CNMD: variants seen among roughly 807,000 people sequenced by gnomAD.
CNMD encodes leukocyte cell-derived chemotaxin 1.
CNMD carries 30 observed loss-of-function variants against 37.5 expected under a neutral mutation model. The observed-to-expected ratio is 0.80, with a 90% confidence interval of 0.60 to 1.09. The LOEUF (loss-of-function observed/expected upper bound fraction) is 1.09, where lower values mean the gene tolerates loss of function less well. Ranked by LOEUF, CNMD falls within the 50% of genes least tolerant of loss-of-function variation. The pLI is 0.00. For missense variants in CNMD, 398 were observed against 423.9 expected (o/e 0.94, Z 0.54); for synonymous variants, 167 against 148.2 (o/e 1.13, Z -0.92).
chr13:52,724,010 A>T lies in CNMD; in HGVS notation c.455T>A (p.Ile152Asn), dbSNP rs1964525949. Residue 152 changes from isoleucine (I) to asparagine (N), a missense_variant, in exon 4 of 7, where the codon ATC (isoleucine) becomes AAC (asparagine). Transcript: ENST00000377962. The part of the protein sequence containing the change: ...PEVGAVTKQS[I>N]SSKLEGKIMP... ...GTTGGTACCCACCAGTTTGGAGGAG[A>T]TGCTCTGTTTGGTCACGGCGCCCAC... The T allele has an allele frequency of 1.2e-6, 2 of 1,610,900 alleles. No homozygotes were observed. The highest frequency in any genetic ancestry group is 4.5e-5 in the East Asian group (2 of 44,860).
At chr13:52,736,461 T>C (rs990543188) in intron 2 of CNMD, among the ~76,000 whole-genome samples, 1 of 152,180 alleles carries the variant, frequency 6.6e-6, no homozygotes, top group Non-Finnish European at 1.5e-5. Flanking sequence ...CTGCACCATC[T>C]GCATGGGGAC....
Position 52,739,519 on chromosome 13 carries a change from T to C in CNMD, c.72+111A>G. The C allele has an allele frequency of 1.0e-6, 1 of 1,004,488 alleles. No homozygotes were observed. The highest frequency in any genetic ancestry group is 2.4e-5 in the East Asian group (1 of 41,032). The allele number at this position is 1,004,488 out of a possible 1,614,324, so 62.2% of individuals were successfully genotyped here. On this transcript the variant is annotated intron_variant, in intron 1 of 6. Transcript: ENST00000377962. This position sits in a 1 kb window ranked among gnomAD's most constrained non-coding sequence, Gnocchi z 5.4. ...CACCCACACATTTGGGACCCAAATTTATCCCCCCGCCAACACACCCATTCG... is the reference window on the plus strand; with the variant it reads ...CACCCACACATTTGGGACCCAAATTCATCCCCCCGCCAACACACCCATTCG...
intron 4 of CNMD, among the ~76,000 whole-genome samples, chr13:52,718,176 A>T (rs2138241011): frequency 6.6e-6 from 1 of 152,208 alleles, no homozygotes; most frequent in Non-Finnish European, 1.5e-5. Flanking sequence ...TTTCTGTGGG[A>T]TCAGTGGTGA....
Position 52,736,254 on chromosome 13 carries a change from G to A in CNMD, c.213+2777C>T, listed in dbSNP as rs113819253. Among the ~76,000 whole-genome samples the A allele has an allele frequency of 3.3e-3, 495 of 152,202 alleles. 3 individuals carry two copies. Among genetic ancestry groups the A allele is most frequent in the Middle Eastern group, 6.8e-3 (2 of 294 alleles). On this transcript the variant is annotated intron_variant, in intron 2 of 6. Transcript: ENST00000377962. The stretch of plus-strand genomic sequence containing the variant: ...CGTGAGCCGCCCGCCTCGGCCTCCC[G>A]AAGTGCTGGGATTACAGGCGTGAGC...
intron 3 of CNMD, among the ~76,000 whole-genome samples, chr13:52,725,616 C>A (rs562275145): frequency 6.6e-6 from 1 of 152,310 alleles, no homozygotes; most frequent in African/African-American, 2.4e-5. Context: ...CCTCCTGCTG[C>A]TGTTAGTTTC....
chr13:52,733,046 G>A (rs1964699164), intron 3 of CNMD, 173 bp downstream of exon 3: 6 of 658,518 alleles, frequency 9.1e-6, no homozygotes, highest in Non-Finnish European at 1.6e-5. Context: ...GAAGGACAAA[G>A]TCTGGTCCTT....
At chr13:52,712,005 G>C (rs1008237661) in intron 5 of CNMD, among the ~76,000 whole-genome samples, 3 of 152,146 alleles carry the variant, frequency 2.0e-5, no homozygotes, top group Admixed American at 6.6e-5. Flanking sequence ...TAGGAGAAAG[G>C]CCTTTTTTTT....
chr13:52,708,684 C>T lies in CNMD; in HGVS notation c.641G>A (p.Arg214Lys), dbSNP rs1472721477. Reference protein sequence around the residue: ...TYPKEIQRERREVVRKIVPTT... With the variant: ...TYPKEIQRERKEVVRKIVPTT... ...TGGAACAATTTTTCTTACCACTTCTCTTCTTTCCCTCTGGATTTCTGCAAA... is the reference window on the plus strand; with the variant it reads ...TGGAACAATTTTTCTTACCACTTCTTTTCTTTCCCTCTGGATTTCTGCAAA... Residue 214 changes from arginine to lysine, a missense_variant, in exon 6 of 7, where the codon AGA becomes AAA. Arg to Lys is a conservative substitution (Grantham distance 26). Coordinates refer to ENST00000377962, the MANE Select transcript of CNMD (RefSeq NM_007015.3). 5 of 1,601,664 alleles carry T rather than the reference C, an allele frequency of 3.1e-6. No individual in the cohort carries two copies. The highest frequency in any genetic ancestry group is 4.2e-6 in the Non-Finnish European group (5 of 1,176,880).
intron 3 of CNMD, among the ~76,000 whole-genome samples, chr13:52,724,312 G>T (rs1182211077): frequency 6.7e-6 from 1 of 148,728 alleles, no homozygotes; most frequent in South Asian, 2.1e-4. Context: ...GGTGGCTCAC[G>T]CCTGTAATCC....
intron 2 of CNMD, among the ~76,000 whole-genome samples, chr13:52,737,913 T>A (rs969168511): frequency 6.6e-6 from 1 of 152,226 alleles, no homozygotes; most frequent in African/African-American, 2.4e-5. Context: ...GCTTGTAAAT[T>A]TGATATAGTC....
At chr13:52,707,535 A>G (rs1319723824) in intron 6 of CNMD, among the ~76,000 whole-genome samples, 1 of 152,198 alleles carries the variant, frequency 6.6e-6, no homozygotes, top group Non-Finnish European at 1.5e-5. Context: ...GCCTGTGCAC[A>G]GAGCCTGGGA....
chr13:52,739,817 G>C lies in CNMD; in HGVS notation c.-116C>G. ...GCGCGCACACACGGTGCACGGTCCC[G>C]CCTGGGCCAGCCCAGCGGTCCCCAC... On this transcript the variant is annotated 5_prime_UTR_variant, in exon 1 of 7. Transcript: ENST00000377962. This position sits in a 1 kb window ranked among gnomAD's most constrained non-coding sequence, Gnocchi z 5.4. 1 of 815,008 alleles carries C rather than the reference G, an allele frequency of 1.2e-6. No homozygotes were observed. 50.5% of individuals were successfully genotyped at this position (815,008 alleles called of 1,614,324 possible). A position where few individuals can be genotyped will look rare whatever the true frequency, so the allele number is the denominator to read the frequency against.
In CNMD at chr13:52,739,788, C is replaced by T. The variant is rs1964856960; in HGVS notation, c.-87G>A. On this transcript the variant is annotated 5_prime_UTR_variant, in exon 1 of 7. Coordinates refer to ENST00000377962, the MANE Select transcript of CNMD (RefSeq NM_007015.3). The surrounding 1 kb of genome is among the most constrained non-coding windows in gnomAD (Gnocchi z 5.4). ...TGCCCCGACGTGCAGGGCATTTCAA[C>T]GCCGCGCGCACACACGGTGCACGGT... 1 of 1,184,256 alleles carries T rather than the reference C, an allele frequency of 8.4e-7. No individual in the cohort carries two copies. The highest frequency in any genetic ancestry group is 1.8e-5 in the Admixed American group (1 of 54,368). 73.4% of individuals were successfully genotyped at this position (1,184,256 alleles called of 1,614,324 possible).
At chr13:52,732,996 A>T in intron 3 of CNMD, 1 of 555,210 alleles carries the variant, frequency 1.8e-6, no homozygotes, top group Non-Finnish European at 3.2e-6. Context: ...TGTTTTTGGT[A>T]TTTTACAACT....
At chr13:52,729,714 G>GT (rs1030163518) in intron 3 of CNMD, among the ~76,000 whole-genome samples, 1 of 152,072 alleles carries the variant, frequency 6.6e-6, no homozygotes, top group African/African-American at 2.4e-5. Flanking sequence ...AGGTTATGCT[G>GT]TCTTTACTTT....
Position 52,739,684 on chromosome 13 carries a change from G to C in CNMD, c.18C>G (p.Asp6Glu). The change falls in exon 1 of 7, where the codon GAC (aspartate) becomes GAG (glutamate). Residue 6 changes from aspartate (D) to glutamate (E), a missense_variant. Coordinates refer to ENST00000377962, the MANE Select transcript of CNMD (RefSeq NM_007015.3). The surrounding 1 kb of genome is among the most constrained non-coding windows in gnomAD (Gnocchi z 5.4). ...GTCCCACCAGGGCAATGGGAACTTT[G>C]TCGGAGTTCTCTGTCATGTTTGCGG... MTENSDKVPIALVGPD... is the reference protein window; with the variant it reads MTENSEKVPIALVGPD... 1 of 1,614,170 alleles carries C rather than the reference G, an allele frequency of 6.2e-7. No individual in the cohort carries two copies. The highest frequency in any genetic ancestry group is 1.1e-5 in the South Asian group (1 of 91,080).
chr13:52,719,944 C>G (rs1025827078), intron 4 of CNMD, among the ~76,000 whole-genome samples: 2 of 152,198 alleles, frequency 1.3e-5, no homozygotes, highest in Admixed American at 6.5e-5. Context: ...TCCATTCTCC[C>G]TGTCACTTTC....
intron 2 of CNMD, among the ~76,000 whole-genome samples, chr13:52,733,811 G>C (rs1403536911): frequency 6.6e-6 from 1 of 152,152 alleles, no homozygotes; most frequent in African/African-American, 2.4e-5. Context: ...AAGGTTAATT[G>C]GGCTCCCAGC....
chr13:52,725,975 G>C (rs1269861590), intron 3 of CNMD, among the ~76,000 whole-genome samples: 1 of 152,174 alleles, frequency 6.6e-6, no homozygotes, highest in East Asian at 1.9e-4. Flanking sequence ...TCTTCCTCAA[G>C]CTCTTTATTA....
Sources: gnomAD v4.1 joint callset for allele counts (sites outside exome capture counted in the v4.1 genomes callset) on GRCh38, gnomAD v4.1.1 for gene constraint, Gnocchi (gnomAD v3.1) non-coding constraint, MANE v1.5 for transcripts, NCBI Gene and HGNC (gene_info 2026-07-23, HGNC 2026-07-21) for gene names.